The following PCDHGB3 variants were observed in gnomAD, a reference collection of about 807,000 sequenced individuals.
PCDHGB3 encodes the protein protocadherin gamma subfamily B, 3.
Under a neutral mutation model 59.2 loss-of-function variants are expected in PCDHGB3, and 40 were observed. The ratio of observed to expected loss-of-function variants is 0.68; its 90% CI spans 0.52 to 0.88. The LOEUF is 0.88. PCDHGB3 is among the 40% of genes least tolerant of loss of function. PCDHGB3 has a pLI of 0.00. For missense variants in PCDHGB3, 1,309 were observed against 1,187.9 expected (o/e 1.10, Z -1.50); for synonymous variants, 581 against 503.6 (o/e 1.15, Z -2.06).
At chr5:141,445,268 C>A (rs2098461653) in intron 1 of PCDHGB3, among the ~76,000 whole-genome samples, 1 of 152,170 alleles carries the variant, frequency 6.6e-6, no homozygotes, top group Non-Finnish European at 1.5e-5. Flanking sequence ...TAAGTCGAAA[C>A]CACTCTGCAT....
rs2097419057 is a variant in PCDHGB3 at position 141,431,807 on chromosome 5, A to G, written c.2415+58998A>G. 4 of 1,614,050 alleles carry G rather than the reference A, an allele frequency of 2.5e-6. No individual in the cohort carries two copies. Among genetic ancestry groups the G allele is most frequent in the Non-Finnish European group, 2.5e-6 (3 of 1,180,038 alleles). On this transcript the variant is annotated intron_variant, in intron 1 of 3. Coordinates refer to ENST00000576222, the MANE Select transcript of PCDHGB3 (RefSeq NM_018924.5). This position sits in a 1 kb window ranked among gnomAD's most constrained non-coding sequence, Gnocchi z 4.8. ...CGACAATGCCCCAGAAGTGGTCCTC[A>G]CCTCTCTCGCCAGCTCGGTTCCCGA... is the stretch of plus-strand genomic sequence containing the variant.
chr5:141,441,882 C>A, intron 1 of PCDHGB3: 1 of 343,664 alleles, frequency 2.9e-6, no homozygotes, highest in South Asian at 2.6e-5. Context: ...GCTACCTGGT[C>A]ACCAAGGTGG....
intron 1 of PCDHGB3, chr5:141,439,888 A>G (rs2098137228): frequency 6.6e-6 from 1 of 152,384 alleles, no homozygotes. Context: ...TCTGGGTAGA[A>G]CCAAGGCGAC....
chr5:141,446,528 G>A (rs2098505974), intron 1 of PCDHGB3, among the ~76,000 whole-genome samples: 1 of 151,952 alleles, frequency 6.6e-6, no homozygotes, highest in South Asian at 2.1e-4. Flanking sequence ...CCAGGCTGGA[G>A]TGCAGTGGCC....
intron 1 of PCDHGB3, among the ~76,000 whole-genome samples, chr5:141,470,068 G>A (rs1269966360): frequency 6.6e-6 from 1 of 152,240 alleles, no homozygotes; most frequent in East Asian, 1.9e-4. Flanking sequence ...GGCAGAGACT[G>A]TAGTGATCTG....
chr5:141,370,921 C>G lies in PCDHGB3; in HGVS notation c.527C>G (p.Pro176Arg). The change falls in exon 1 of 4, where the codon CCG becomes CGG. Residue 176 changes from proline (P) to arginine (R), a missense_variant. Pro to Arg is a moderately radical substitution (Grantham distance 103, BLOSUM62 -2). Transcript: ENST00000576222. Reference protein sequence around the residue: ...SLQQYYLSPDPHFSLIQKENL... With the variant: ...SLQQYYLSPDRHFSLIQKENL... ...CAGCAGTACTACCTCAGCCCTGATC[C>G]GCACTTCTCTTTGATTCAGAAGGAG... is the stretch of plus-strand genomic sequence containing the variant. 6.2e-7 allele frequency: 1 copy of G among 1,613,978 alleles called. No homozygotes were observed. Among genetic ancestry groups the G allele is most frequent in the Non-Finnish European group, 8.5e-7 (1 of 1,179,882 alleles).
intron 1 of PCDHGB3, chr5:141,404,248 G>T (rs1404333144): frequency 6.2e-7 from 1 of 1,613,694 alleles, no homozygotes; most frequent in South Asian, 1.1e-5. Flanking sequence ...CTCCGCCCCT[G>T]TCCACAGAAA....
intron 1 of PCDHGB3, chr5:141,409,289 G>A: frequency 1.2e-6 from 2 of 1,613,976 alleles, no homozygotes; most frequent in Middle Eastern, 1.6e-4. Context: ...TTCACCTCCA[G>A]GAATGGTTGT....
chr5:141,452,710 G>GAAGT (rs1343622540), intron 1 of PCDHGB3, among the ~76,000 whole-genome samples: 1 of 151,996 alleles, frequency 6.6e-6, no homozygotes, highest in Non-Finnish European at 1.5e-5. Flanking sequence ...AGAAAGGAAG[G>GAAGT]AATGAGGGAG....
rs13436338 is a variant in PCDHGB3, at chr5:141,468,261, G to A, written c.2416-26546G>A. On this transcript the variant is annotated intron_variant, in intron 1 of 3. Coordinates refer to ENST00000576222, the MANE Select transcript of PCDHGB3 (RefSeq NM_018924.5). ...AATTGCCTGAACCTGGGAGGCAGAG[G>A]TTGTGGTGAGCCGAGACCACGCCAT... Among the ~76,000 whole-genome samples, 391 of 149,216 alleles carry A rather than the reference G, an allele frequency of 2.6e-3. 2 individuals are homozygous for A. Among genetic ancestry groups the A allele is most frequent in the African/African-American group, 9.3e-3 (377 of 40,498 alleles).
rs777083908 is a variant in PCDHGB3 at position 141,372,480 on chromosome 5, T to C, written c.2086T>C (p.Leu696=). ...AELQFHLVVA[L]ALISVLFLLA... is the part of the protein sequence containing the mutation. The stretch of plus-strand genomic sequence containing the variant: ...GCTACAGTTTCACCTAGTAGTGGCG[T>C]TGGCCTTGATCTCAGTGCTCTTCCT... The change falls in exon 1 of 4, where the codon TTG becomes CTG. Residue 696 remains leucine, a synonymous_variant. Coordinates refer to ENST00000576222, the MANE Select transcript of PCDHGB3 (RefSeq NM_018924.5). The C allele has an allele frequency of 3.1e-6, 5 of 1,613,930 alleles. No individual in the cohort carries two copies. The highest frequency in any genetic ancestry group is 2.7e-5 in the African/African-American group (2 of 74,950).
chr5:141,398,937 C>A, intron 1 of PCDHGB3: 1 of 1,613,902 alleles, frequency 6.2e-7, no homozygotes. Context: ...CTGACCAAGA[C>A]GAGGGCATCA....
intron 1 of PCDHGB3, among the ~76,000 whole-genome samples, chr5:141,380,089 G>A (rs1333618493): frequency 6.6e-6 from 1 of 151,698 alleles, no homozygotes; most frequent in Non-Finnish European, 1.5e-5. Flanking sequence ...TAGTAGAGAT[G>A]GGGTTTTACC....
chr5:141,456,285 G>T (rs2098848223), intron 1 of PCDHGB3, among the ~76,000 whole-genome samples: 1 of 152,134 alleles, frequency 6.6e-6, no homozygotes, highest in Non-Finnish European at 1.5e-5. Flanking sequence ...GCTGAAAAGG[G>T]GCGTCTAATG....
rs186490614 is a variant in PCDHGB3 at position 141,415,986 on chromosome 5, T to A, written c.2415+43177T>A. 2.6e-4 allele frequency: 85 copies of A among 328,664 alleles called. 1 individual carries two copies. The highest frequency in any genetic ancestry group is 1.7e-3 in the African/African-American group (80 of 46,398). 20.4% of individuals were successfully genotyped at this position (328,664 alleles called of 1,614,324 possible). On this transcript the variant is annotated intron_variant, in intron 1 of 3. Transcript: ENST00000576222. ...CCAGCCCCTTAAGCAACCCTCTTGT[T>A]CTGAAGGCAGGTCTGGTAAGAATAG...
Position 141,432,061 on chromosome 5 carries a change from G to A in PCDHGB3, c.2415+59252G>A. 1 of 1,614,130 alleles carries A rather than the reference G, an allele frequency of 6.2e-7. No homozygotes were observed. The highest frequency in any genetic ancestry group is 8.5e-7 in the Non-Finnish European group (1 of 1,180,034). ...ACCGGGGAACCCCGCCCCTATCCAC[G>A]GAAACTCATATCTCGCTGAACGTGG... On this transcript the variant is annotated intron_variant, in intron 1 of 3. Coordinates refer to ENST00000576222, the MANE Select transcript of PCDHGB3 (RefSeq NM_018924.5). The surrounding 1 kb of genome is among the most constrained non-coding windows in gnomAD (Gnocchi z 6.0).
chr5:141,372,128 G>C lies in PCDHGB3; in HGVS notation c.1734G>C (p.Val578=). Residue 578 remains valine (V), a synonymous_variant, in exon 1 of 4, where the codon GTG becomes GTC. Transcript: ENST00000576222. Reference sequence around the variant, plus strand: ...AAGGCTCTGCGCTCTTCGATATGGTGCCGCGCTCTGCAGAGCCTGGCTACC... The same window carrying C: ...AAGGCTCTGCGCTCTTCGATATGGTCCCGCGCTCTGCAGAGCCTGGCTACC... The part of the protein sequence containing the change: ...GPEGSALFDM[V]PRSAEPGYLV... 1 of 1,613,702 alleles carries C rather than the reference G, an allele frequency of 6.2e-7. No individual in the cohort carries two copies. The highest frequency in any genetic ancestry group is 8.5e-7 in the Non-Finnish European group (1 of 1,179,870).
intron 1 of PCDHGB3, chr5:141,398,904 C>A (rs1487711986): frequency 3.1e-6 from 5 of 1,613,930 alleles, no homozygotes; most frequent in Non-Finnish European, 3.4e-6. Context: ...CACCAGGCAC[C>A]ACTGTGTTGC....
intron 1 of PCDHGB3, chr5:141,385,127 T>C: frequency 6.2e-7 from 1 of 1,614,222 alleles, no homozygotes. Context: ...TTTGTGGGCA[T>C]GGACGGGGTG....
Sources: gnomAD v4.1 joint callset for allele counts (sites outside exome capture counted in the v4.1 genomes callset) on GRCh38, gnomAD v4.1.1 for gene constraint, Gnocchi (gnomAD v3.1) non-coding constraint, MANE v1.5 for transcripts, NCBI Gene and HGNC (gene_info 2026-07-23, HGNC 2026-07-21) for gene names.